The following KCNG4 variants were observed in gnomAD, a reference collection of about 807,000 sequenced individuals.
The protein encoded by KCNG4 is voltage-gated potassium channel regulatory subunit KCNG4.
In KCNG4, 30 loss-of-function variants were observed where a neutral mutation model predicts 28.2. The observed-to-expected ratio is 1.06, with a 90% CI of 0.80 to 1.44. KCNG4 has a LOEUF of 1.44. KCNG4 is among the 40% of genes most tolerant of loss of function. KCNG4 has a pLI of 0.00. For missense variants in KCNG4, 879 were observed against 712.3 expected (o/e 1.23, Z -2.66); for synonymous variants, 375 against 315.5 (o/e 1.19, Z -2.00).
At position 84,222,327 on chromosome 16, in the gene KCNG4, C is replaced by A. The variant is rs1403437941; in HGVS notation, c.1450G>T (p.Ala484Ser). The A allele has an allele frequency of 6.2e-7, 1 of 1,613,986 alleles. No individual in the cohort carries two copies. The highest frequency in any genetic ancestry group is 1.3e-5 in the African/African-American group (1 of 74,930). ...RLRHLQNTGP[A>S]SECELLDPHV... The stretch of plus-strand genomic sequence containing the variant: ...GGGTCCAGGAGTTCACATTCACTGG[C>A]TGGACCGGTGTTTTGGAGGTGGCGG... The change falls in exon 3 of 3, where the codon GCC becomes TCC. Residue 484 changes from alanine (A) to serine (S), a missense_variant. Transcript: ENST00000308251.
chr16:84,238,293 A>G (rs937981846), intron 1 of KCNG4, among the ~76,000 whole-genome samples: 15 of 152,174 alleles, frequency 9.9e-5, no homozygotes, highest in Admixed American at 6.5e-5. Flanking sequence ...GACATCAGGA[A>G]GGTTCAGCGA....
chr16:84,237,198 C>G lies in KCNG4; in HGVS notation c.288G>C (p.Glu96Asp), dbSNP rs780301749. 50 of 1,614,056 alleles carry G rather than the reference C, an allele frequency of 3.1e-5. No homozygotes were observed. Among genetic ancestry groups the G allele is most frequent in the Non-Finnish European group, 3.4e-6 (4 of 1,180,046 alleles). ...SKLRLCRSYE[E>D]IVQLCDDYDE... Reference sequence around the variant, plus strand: ...CGTAATCATCGCAGAGCTGCACGATCTCCTCGTAGCTCCGACAGAGCCTGA... The same window carrying G: ...CGTAATCATCGCAGAGCTGCACGATGTCCTCGTAGCTCCGACAGAGCCTGA... The change falls in exon 2 of 3, where the codon GAG (glutamate) becomes GAC (aspartate). Residue 96 changes from glutamate to aspartate, a missense_variant. By Grantham distance (45) the Glu-to-Asp change is conservative. Transcript: ENST00000308251.
intron 2 of KCNG4, among the ~76,000 whole-genome samples, chr16:84,229,755 C>G (rs187509248): frequency 6.6e-6 from 1 of 152,276 alleles, no homozygotes; most frequent in Non-Finnish European, 1.5e-5. Flanking sequence ...AACAGTGTCA[C>G]CTGCAGAGCA....
chr16:84,239,415 T>C (rs1905049242), intron 1 of KCNG4, among the ~76,000 whole-genome samples: 1 of 152,168 alleles, frequency 6.6e-6, no homozygotes, highest in Non-Finnish European at 1.5e-5. Context: ...CAAATCCGAA[T>C]CCAACCCAGC....
In KCNG4 at chr16:84,224,247, A is replaced by C. The variant is rs1354201724; in HGVS notation, c.757-1227T>G. Among the ~76,000 whole-genome samples, 4 of 152,084 alleles carry C rather than the reference A, an allele frequency of 2.6e-5. No individual in the cohort carries two copies. The East Asian group carries it at 7.8e-4, about 29-fold the overall frequency. Reference sequence around the variant, plus strand: ...TCAAGCTTGGCTGCATGTTGGAATCACCTGGGGGTTCCTTGAAACATTCTG... The same window carrying C: ...TCAAGCTTGGCTGCATGTTGGAATCCCCTGGGGGTTCCTTGAAACATTCTG... On this transcript the variant is annotated intron_variant, in intron 2 of 2. Transcript: ENST00000308251.
chr16:84,225,863 T>C (rs1232604787), intron 2 of KCNG4, among the ~76,000 whole-genome samples: 1 of 152,172 alleles, frequency 6.6e-6, no homozygotes, highest in Non-Finnish European at 1.5e-5. Context: ...CTGCTGTGCA[T>C]CCTAAATCCA....
At chr16:84,225,080 T>A (rs1462406997) in intron 2 of KCNG4, among the ~76,000 whole-genome samples, 3 of 152,162 alleles carry the variant, frequency 2.0e-5, no homozygotes, top group Non-Finnish European at 4.4e-5. Context: ...AGGCACAGGA[T>A]GCGCTGTAGC....
At chr16:84,223,498 A>C (rs560302147) in intron 2 of KCNG4, among the ~76,000 whole-genome samples, 1 of 152,260 alleles carries the variant, frequency 6.6e-6, no homozygotes, top group South Asian at 2.1e-4. Context: ...ATTTGGCTTA[A>C]AACTATTCTA....
rs376678253 is a variant in KCNG4 at position 84,222,660 on chromosome 16, G to C, written c.1117C>G (p.Leu373Val). The change falls in exon 3 of 3, where the codon CTG (leucine) becomes GTG (valine). Residue 373 changes from leucine to valine, a missense_variant. Leu to Val is a conservative substitution (Grantham distance 32, BLOSUM62 1). Coordinates refer to ENST00000308251, the MANE Select transcript of KCNG4 (RefSeq NM_172347.3). ...GCCACGGCCAGGAAGAGAAGGAGCA[G>C]GCCGAACTCACGTGTGCAACGGCGC... ...TVRRCTREFG[L>V]LLLFLAVAIT... is the part of the protein sequence containing the mutation. 3 of 1,613,326 alleles carry C rather than the reference G, an allele frequency of 1.9e-6. No individual in the cohort carries two copies. The highest frequency in any genetic ancestry group is 2.5e-6 in the Non-Finnish European group (3 of 1,179,940).
In KCNG4 at chr16:84,222,613, C is replaced by T. The variant is rs1165850671; in HGVS notation, c.1164G>A (p.Leu388=). Residue 388 remains leucine, a synonymous_variant, in exon 3 of 3, where the codon TTG becomes TTA. Coordinates refer to ENST00000308251, the MANE Select transcript of KCNG4 (RefSeq NM_172347.3). ...CGGACTCCTTCTCGGCCACGTAGAC[C>T]AAAGGGGAGAAGAGGGTGATGGCCA... ...LAVAITLFSP[L]VYVAEKESGR... The T allele has an allele frequency of 6.2e-7, 1 of 1,613,218 alleles. No individual in the cohort carries two copies. Among genetic ancestry groups the T allele is most frequent in the Non-Finnish European group, 8.5e-7 (1 of 1,179,990 alleles).
chr16:84,227,707 G>A (rs576130947), intron 2 of KCNG4, among the ~76,000 whole-genome samples: 5 of 152,202 alleles, frequency 3.3e-5, no homozygotes, highest in East Asian at 1.9e-4. Context: ...CATAAAATGC[G>A]GCCTATTCAT....
At chr16:84,227,117 G>T (rs558537683) in intron 2 of KCNG4, among the ~76,000 whole-genome samples, 1 of 152,212 alleles carries the variant, frequency 6.6e-6, no homozygotes, top group East Asian at 1.9e-4. Context: ...CGGTGAGATT[G>T]TGGAGAAACT....
chr16:84,237,537 G>C lies in KCNG4; in HGVS notation c.-40-12C>G. 1 of 1,428,738 alleles carries C rather than the reference G, an allele frequency of 7.0e-7. No homozygotes were observed. The highest frequency in any genetic ancestry group is 9.2e-7 in the Non-Finnish European group (1 of 1,090,780). The allele number at this position is 1,428,738 out of a possible 1,614,324, so 88.5% of individuals were successfully genotyped here. ...CTGGGTTTACCAGTCTGACACCCAA[G>C]GGACAAAGAGCAAGCAAAAGGAAGG... On this transcript the variant is annotated splice_polypyrimidine_tract_variant and intron_variant, in intron 1 of 2. Transcript: ENST00000308251.
In KCNG4 at chr16:84,222,422, G is replaced by C. The variant is rs755829342; in HGVS notation, c.1355C>G (p.Ser452Cys). The C allele has an allele frequency of 1.2e-6, 2 of 1,614,184 alleles. No homozygotes were observed. The highest frequency in any genetic ancestry group is 2.2e-5 in the South Asian group (2 of 91,086). ...GGAGTGGGAGAAGGTGTGGAAGATA[G>C]ACGTGGCCGGGAAGGCCATGATGAG... ...GILIMAFPAT[S>C]IFHTFSHSYL... Residue 452 changes from serine (S) to cysteine (C), a missense_variant, in exon 3 of 3, where the codon TCT (serine) becomes TGT (cysteine). Transcript: ENST00000308251.
intron 2 of KCNG4, among the ~76,000 whole-genome samples, chr16:84,224,253 G>T (rs764883871): frequency 9.2e-5 from 14 of 152,094 alleles, no homozygotes; most frequent in African/African-American, 3.1e-4. Flanking sequence ...AATCACCTGG[G>T]GGTTCCTTGA....
At chr16:84,232,208 C>T (rs1296314954) in intron 2 of KCNG4, among the ~76,000 whole-genome samples, 2 of 152,046 alleles carry the variant, frequency 1.3e-5, no homozygotes, top group Non-Finnish European at 2.9e-5. Context: ...GATGGATAAA[C>T]CAATAGTGGC....
chr16:84,224,425 C>T (rs866876921), intron 2 of KCNG4, among the ~76,000 whole-genome samples: 1 of 151,976 alleles, frequency 6.6e-6, no homozygotes. Context: ...CACACACACA[C>T]ACACACACAC....
intron 1 of KCNG4, among the ~76,000 whole-genome samples, chr16:84,239,299 G>T (rs1295921854): frequency 6.6e-6 from 1 of 152,240 alleles, no homozygotes; most frequent in Non-Finnish European, 1.5e-5. Flanking sequence ...AGCCTGCAGA[G>T]AGAAGAGTAT....
intron 2 of KCNG4, among the ~76,000 whole-genome samples, chr16:84,232,137 C>T (rs1008076230): frequency 1.6e-4 from 24 of 152,016 alleles, no homozygotes; most frequent in Non-Finnish European, 2.9e-4. Flanking sequence ...AGGTGGGGGT[C>T]GGTCTTTGGA....
Sources: gnomAD v4.1 joint callset for allele counts (sites outside exome capture counted in the v4.1 genomes callset) on GRCh38, gnomAD v4.1.1 for gene constraint, MANE v1.5 for transcripts, NCBI Gene and HGNC (gene_info 2026-07-23, HGNC 2026-07-21) for gene names.